C1orf21: variants seen among roughly 807,000 people sequenced by gnomAD.
C1orf21 encodes the protein uncharacterized protein C1orf21.
A neutral mutation model predicts 18.7 loss-of-function variants in C1orf21; 3 were observed. That is an observed-to-expected ratio of 0.16 (90% CI 0.07 to 0.42). The LOEUF is 0.42. Among genes scored for constraint, C1orf21 ranks in the 10% least tolerant of loss-of-function variants. The probability of loss-of-function intolerance (pLI) is 0.99; values close to 1 mark genes in which losing one functional copy is unlikely to be tolerated. For missense variants in C1orf21, 104 were observed against 143.6 expected (o/e 0.72, Z 1.41); for synonymous variants, 41 against 46.4 (o/e 0.88, Z 0.47).
At chr1:184,594,136 A>G (rs1273141241) in intron 4 of C1orf21, among the ~76,000 whole-genome samples, 1 of 152,220 alleles carries the variant, frequency 6.6e-6, no homozygotes, top group Admixed American at 6.5e-5. Flanking sequence ...AATAATTAAC[A>G]AAATAAATAA....
chr1:184,490,177 T>G (rs964360018), intron 2 of C1orf21, among the ~76,000 whole-genome samples: 4 of 152,200 alleles, frequency 2.6e-5, no homozygotes, highest in Non-Finnish European at 5.9e-5. Flanking sequence ...TTTCACTTCA[T>G]CCTAAGAAGC....
rs577851182 is a variant in C1orf21, at chr1:184,514,335, T to C, written c.189+6653T>C. Among the ~76,000 whole-genome samples the C allele has an allele frequency of 2.6e-5, 4 of 152,182 alleles. No homozygotes were observed. The East Asian group carries it at 7.7e-4, about 29-fold the overall frequency. Reference sequence around the variant, plus strand: ...AGAGGAAATACACATTCATATAATTTAAAAGAAAATCATATATTTAATGTA... The same window carrying C: ...AGAGGAAATACACATTCATATAATTCAAAAGAAAATCATATATTTAATGTA... On this transcript the variant is annotated intron_variant, in intron 3 of 5. Transcript: ENST00000235307.
At chr1:184,522,796 C>A (rs1658322541) in intron 3 of C1orf21, among the ~76,000 whole-genome samples, 1 of 152,154 alleles carries the variant, frequency 6.6e-6, no homozygotes, top group Non-Finnish European at 1.5e-5. Context: ...TGGGCAATTC[C>A]CCCACTTCAG....
intron 4 of C1orf21, among the ~76,000 whole-genome samples, chr1:184,594,392 A>G (rs1431563285): frequency 1.3e-5 from 2 of 152,216 alleles, no homozygotes. Flanking sequence ...CAGATTTAAC[A>G]GGAGAAAAGA....
intron 3 of C1orf21, chr1:184,567,097 G>C: frequency 2.1e-6 from 1 of 478,950 alleles, no homozygotes; most frequent in Non-Finnish European, 4.2e-6. Context: ...AGGTGGCACA[G>C]TACTATGAAG....
rs1557971370 is a variant in C1orf21, at chr1:184,434,263, C to G, written c.-124-43123C>G. Among the ~76,000 whole-genome samples, 3 of 151,830 alleles carry G rather than the reference C, an allele frequency of 2.0e-5. No homozygotes were observed. In the South Asian group the frequency reaches 6.2e-4, roughly 32 times the overall value. On this transcript the variant is annotated intron_variant, in intron 1 of 5. Coordinates refer to ENST00000235307, the MANE Select transcript of C1orf21 (RefSeq NM_030806.4). ...TAATACCAGGTGACTGCTGAGCACT[C>G]CCCGAGGGTCTCTGTGGTGTCAGGC...
At chr1:184,392,949 C>T (rs1435282167) in intron 1 of C1orf21, among the ~76,000 whole-genome samples, 1 of 150,562 alleles carries the variant, frequency 6.6e-6, no homozygotes, top group Non-Finnish European at 1.5e-5. Context: ...CCACATCAGA[C>T]TCTTGAGTAG....
At chr1:184,559,609 T>TCCTC (rs935945706) in intron 3 of C1orf21, among the ~76,000 whole-genome samples, 11 of 138,112 alleles carry the variant, frequency 8.0e-5, no homozygotes, top group Admixed American at 1.5e-4. Flanking sequence ...CTTCCTTCCT[T>TCCTC]CCTCCCTCCC....
At chr1:184,550,518 G>A (rs1658796301) in intron 3 of C1orf21, among the ~76,000 whole-genome samples, 1 of 152,062 alleles carries the variant, frequency 6.6e-6, no homozygotes, top group African/African-American at 2.4e-5. Flanking sequence ...TTTATGTTTT[G>A]TTTGTTTCTT....
At chr1:184,424,985 A>G (rs552709629) in intron 1 of C1orf21, among the ~76,000 whole-genome samples, 1 of 152,330 alleles carries the variant, frequency 6.6e-6, no homozygotes, top group African/African-American at 2.4e-5. Context: ...TCCTGCATTT[A>G]TGAACATCTT....
At chr1:184,616,707 TGTATGTGTGTTGTGTGCAC>T (rs1659830408) in intron 5 of C1orf21, among the ~76,000 whole-genome samples, 2 of 131,266 alleles carry the variant, frequency 1.5e-5, no homozygotes, top group Admixed American at 8.5e-5. Flanking sequence ...TGCACACGTG[TGTATGTGTGTTGTGTGCAC>T]GTGTGTGTGT....
intron 2 of C1orf21, among the ~76,000 whole-genome samples, chr1:184,485,953 A>C (rs1345836586): frequency 2.0e-5 from 3 of 152,224 alleles, no homozygotes; most frequent in African/African-American, 7.2e-5. Context: ...AGGCCAGATT[A>C]TAGTCATAAA....
At chr1:184,509,669 G>A (rs1198287601) in intron 3 of C1orf21, among the ~76,000 whole-genome samples, 1 of 151,962 alleles carries the variant, frequency 6.6e-6, no homozygotes, top group Non-Finnish European at 1.5e-5. Flanking sequence ...AACATTGGAA[G>A]GTGGATAAAA....
intron 3 of C1orf21, among the ~76,000 whole-genome samples, chr1:184,557,493 G>T (rs1190309157): frequency 6.6e-6 from 1 of 152,222 alleles, no homozygotes; most frequent in Non-Finnish European, 1.5e-5. Context: ...GAGTGAGAAC[G>T]TACAATGTTT....
intron 1 of C1orf21, among the ~76,000 whole-genome samples, chr1:184,452,884 T>G (rs905713208): frequency 6.6e-6 from 1 of 152,182 alleles, no homozygotes; most frequent in Non-Finnish European, 1.5e-5. Flanking sequence ...TTAAAAATTT[T>G]AGTAGCTTTG....
At chr1:184,537,513 A>G (rs186251701) in intron 3 of C1orf21, among the ~76,000 whole-genome samples, 117 of 152,262 alleles carry the variant, frequency 7.7e-4, no homozygotes, top group Non-Finnish European at 7.4e-5. Flanking sequence ...ATTCCGTTGT[A>G]TGTATATACA....
At chr1:184,487,039 G>A (rs1270745473) in intron 2 of C1orf21, among the ~76,000 whole-genome samples, 1 of 152,248 alleles carries the variant, frequency 6.6e-6, no homozygotes, top group African/African-American at 2.4e-5. Context: ...AGGCCTGCTT[G>A]GGGATGAGGG....
chr1:184,490,780 A>C (rs781153069), intron 2 of C1orf21, among the ~76,000 whole-genome samples: 4 of 152,198 alleles, frequency 2.6e-5, no homozygotes, highest in Non-Finnish European at 5.9e-5. Context: ...CTGAGTAATA[A>C]TGCCAGAACA....
At chr1:184,529,506 G>A (rs902500454) in intron 3 of C1orf21, among the ~76,000 whole-genome samples, 8 of 152,270 alleles carry the variant, frequency 5.3e-5, no homozygotes, top group Admixed American at 2.6e-4. Context: ...GTATTTATGA[G>A]TATACTTAAC....
Sources: gnomAD v4.1 joint callset for allele counts (sites outside exome capture counted in the v4.1 genomes callset) on GRCh38, gnomAD v4.1.1 for gene constraint, MANE v1.5 for transcripts, NCBI Gene and HGNC (gene_info 2026-07-23, HGNC 2026-07-21) for gene names.